The following FAM178B variants were observed in gnomAD, a reference collection of about 807,000 sequenced individuals.
FAM178B encodes protein FAM178B.
In FAM178B, 82 loss-of-function variants were observed where a neutral mutation model predicts 91.7. The observed-to-expected ratio is 0.89, with a 90% CI of 0.75 to 1.07. The LOEUF (loss-of-function observed/expected upper bound fraction) is 1.07, where lower values mean the gene tolerates loss of function less well. Ranked by LOEUF, FAM178B falls within the 50% of genes least tolerant of loss-of-function variation. The pLI, the probability that FAM178B is intolerant of heterozygous loss-of-function variation, is 0.00. For synonymous variants in FAM178B, 368 were observed against 359.4 expected, an observed-to-expected ratio of 1.02 and a Z score of -0.27; for missense variants, 769 against 846.7, an observed-to-expected ratio of 0.91 and a Z score of 1.14.
intron 12 of FAM178B, among the ~76,000 whole-genome samples, chr2:96,903,901 A>G (rs1304061296): frequency 6.6e-6 from 1 of 152,198 alleles, no homozygotes; most frequent in African/African-American, 2.4e-5. Flanking sequence ...AAGAGTCAAG[A>G]AAGTCAGAGG....
At chr2:96,890,014 ACCTGTAAT>A (rs1198697431) in intron 14 of FAM178B, among the ~76,000 whole-genome samples, 1 of 149,468 alleles carries the variant, frequency 6.7e-6, no homozygotes, top group Non-Finnish European at 1.5e-5. Flanking sequence ...GGTGGCTCAC[ACCTGTAAT>A]CCTAGCACTT....
intron 6 of FAM178B, among the ~76,000 whole-genome samples, chr2:96,958,260 C>T (rs906902477): frequency 9.2e-5 from 14 of 152,028 alleles, no homozygotes; most frequent in African/African-American, 3.1e-4. Flanking sequence ...TTAGTAGAGA[C>T]GTGGTTTCAC....
rs533483443 is a variant in FAM178B, at chr2:96,972,122, C to T, written c.343G>A (p.Val115Met). Residue 115 changes from valine (V) to methionine (M), a missense_variant, in exon 3 of 17, where the codon GTG becomes ATG. Physicochemically the swap from Val to Met is conservative, Grantham distance 21 (BLOSUM62 1). Transcript: ENST00000490605. ...AGCACCCTCGGGTTGAGGAATTCCA[C>T]GGGCGGGGGGCTCCAGTCAGTGGGA... Reference protein sequence around the residue: ...TFPTDWSPPPVEFLNPRVLQA... With the variant: ...TFPTDWSPPPMEFLNPRVLQA... 52 of 1,523,988 alleles carry T rather than the reference C, an allele frequency of 3.4e-5. 1 individual carries two copies. Among genetic ancestry groups the T allele is most frequent in the South Asian group, 2.4e-4 (19 of 79,980 alleles). 94.4% of individuals were successfully genotyped at this position (1,523,988 alleles called of 1,614,324 possible).
At chr2:96,928,691 A>C (rs2081489170) in intron 9 of FAM178B, among the ~76,000 whole-genome samples, 2 of 152,204 alleles carry the variant, frequency 1.3e-5, no homozygotes, top group Non-Finnish European at 2.9e-5. Context: ...AGGAAGTGCC[A>C]AAAACAGGCT....
chr2:96,901,617 AAAAT>A (rs1574218211), intron 13 of FAM178B, among the ~76,000 whole-genome samples: 1 of 152,310 alleles, frequency 6.6e-6, no homozygotes, highest in East Asian at 1.9e-4. Flanking sequence ...TTTACTATAA[AAAAT>A]AAACAACAAC....
At chr2:96,877,673 G>A in intron 16 of FAM178B, 5 of 568,304 alleles carry the variant, frequency 8.8e-6, no homozygotes, top group Non-Finnish European at 1.6e-5. Context: ...GGGATTACAG[G>A]CGTGAGCTAC....
At chr2:96,930,507 T>C (rs975383160) in intron 8 of FAM178B, among the ~76,000 whole-genome samples, 4 of 152,184 alleles carry the variant, frequency 2.6e-5, no homozygotes, top group African/African-American at 2.4e-5. Flanking sequence ...GACTTAGCAG[T>C]TGACTTGCTT....
chr2:96,877,402 ATTTT>A (rs897024279), intron 16 of FAM178B, among the ~76,000 whole-genome samples: 1 of 132,374 alleles, frequency 7.6e-6, no homozygotes, highest in Non-Finnish European at 1.6e-5. Flanking sequence ...TGGGCACTGG[ATTTT>A]TTTTTTTTTT....
chr2:96,877,441 C>T (rs564915714), intron 16 of FAM178B, among the ~76,000 whole-genome samples: 22 of 148,634 alleles, frequency 1.5e-4, no homozygotes, highest in East Asian at 5.9e-4. Flanking sequence ...CTTGCCCTGT[C>T]GCCCAGGCTG....
intron 6 of FAM178B, among the ~76,000 whole-genome samples, chr2:96,959,666 G>A (rs1372331250): frequency 1.3e-5 from 2 of 152,156 alleles, no homozygotes; most frequent in African/African-American, 4.8e-5. Context: ...TGAACCCTGA[G>A]GACTTTCTTT....
At position 96,875,967 on chromosome 2, in the gene FAM178B, G is replaced by C; in HGVS notation, c.*309C>G. 2.3e-6 allele frequency: 1 copy of C among 437,336 alleles called. No individual in the cohort carries two copies. The highest frequency in any genetic ancestry group is 4.1e-6 in the Non-Finnish European group (1 of 241,282). The allele number at this position is 437,336 out of a possible 1,614,324, so 27.1% of individuals were successfully genotyped here. A position where few individuals can be genotyped will look rare whatever the true frequency, so the allele number is the denominator to read the frequency against. On this transcript the variant is annotated 3_prime_UTR_variant, in exon 17 of 17. Coordinates refer to ENST00000490605, the MANE Select transcript of FAM178B (RefSeq NM_001122646.3). ...GAGGAAGGAGGGTGGGGAGGACTGAGGCCCAGGGAAACCAGAGCTATGGAG... is the reference window on the plus strand; with the variant it reads ...GAGGAAGGAGGGTGGGGAGGACTGACGCCCAGGGAAACCAGAGCTATGGAG...
intron 9 of FAM178B, among the ~76,000 whole-genome samples, chr2:96,928,976 C>A (rs1406817293): frequency 9.8e-6 from 1 of 101,850 alleles, no homozygotes; most frequent in Non-Finnish European, 1.7e-5. Flanking sequence ...GTAGGGAGAC[C>A]CCCCCCCGCC....
chr2:96,956,566 A>C (rs908932222), intron 6 of FAM178B: 1 of 152,260 alleles, frequency 6.6e-6, no homozygotes, highest in Non-Finnish European at 1.5e-5. Flanking sequence ...GGTAAGGAGA[A>C]GTGAATCTAT....
chr2:96,948,155 G>A (rs1435431467), intron 7 of FAM178B, among the ~76,000 whole-genome samples: 1 of 152,246 alleles, frequency 6.6e-6, no homozygotes, highest in Non-Finnish European at 1.5e-5. Context: ...ACCCAGGTCT[G>A]TGCCACTTGA....
At chr2:96,936,392 G>A (rs1055467005) in intron 8 of FAM178B, among the ~76,000 whole-genome samples, 10 of 151,736 alleles carry the variant, frequency 6.6e-5, no homozygotes, top group East Asian at 1.9e-4. Context: ...TAGTAGAGAC[G>A]GGGTTTCACC....
At chr2:96,911,075 CTTTTT>C (rs961674832) in intron 12 of FAM178B, among the ~76,000 whole-genome samples, 3 of 151,314 alleles carry the variant, frequency 2.0e-5, no homozygotes, top group Admixed American at 6.6e-5. Flanking sequence ...GCCCTAGAAT[CTTTTT>C]TTTTAAGTTC....
chr2:96,953,378 C>T (rs1479475981), intron 6 of FAM178B, among the ~76,000 whole-genome samples: 2 of 152,174 alleles, frequency 1.3e-5, no homozygotes, highest in Admixed American at 6.5e-5. Context: ...AGGAGGCTGG[C>T]GCTTCAGGGA....
chr2:96,931,038 A>G (rs1028027839), intron 8 of FAM178B, among the ~76,000 whole-genome samples: 1 of 152,260 alleles, frequency 6.6e-6, no homozygotes, highest in African/African-American at 2.4e-5. Flanking sequence ...AGACTAAGGT[A>G]CTTTGTCATA....
At chr2:96,961,386 C>T (rs1286161437) in intron 5 of FAM178B, among the ~76,000 whole-genome samples, 1 of 151,970 alleles carries the variant, frequency 6.6e-6, no homozygotes, top group African/African-American at 2.4e-5. Flanking sequence ...CAGACATGCT[C>T]AGACACGTGC....
Sources: gnomAD v4.1 joint callset for allele counts (sites outside exome capture counted in the v4.1 genomes callset) on GRCh38, gnomAD v4.1.1 for gene constraint, MANE v1.5 for transcripts, NCBI Gene and HGNC (gene_info 2026-07-23, HGNC 2026-07-21) for gene names.